Variants in SEMA3D observed in about 807,000 individuals in gnomAD.
The protein encoded by SEMA3D is semaphorin-3D.
A neutral mutation model predicts 100.1 loss-of-function variants in SEMA3D; 84 were observed. The ratio of observed to expected loss-of-function variants is 0.84; its 90% confidence interval spans 0.70 to 1.01. The LOEUF is 1.01. Ranked by LOEUF, SEMA3D falls within the 50% of genes least tolerant of loss-of-function variation. The pLI, the probability that SEMA3D is intolerant of heterozygous loss-of-function variation, is 0.00. For synonymous variants in SEMA3D, 312 were observed against 320.7 expected, an observed-to-expected ratio of 0.97 and a Z score of 0.29; for missense variants, 875 against 934.1, an observed-to-expected ratio of 0.94 and a Z score of 0.82.
At chr7:85,144,662 T>C (rs1263185688) in intron 2 of SEMA3D, 2 of 985,170 alleles carry the variant, frequency 2.0e-6, no homozygotes, top group African/African-American at 3.5e-5. Flanking sequence ...ATCCAACATT[T>C]AAGTCAGCCT....
chr7:85,011,535 C>A (rs1191819656), intron 17 of SEMA3D, among the ~76,000 whole-genome samples: 1 of 151,800 alleles, frequency 6.6e-6, no homozygotes, highest in Non-Finnish European at 1.5e-5. Flanking sequence ...TGTCTGCTCT[C>A]TCCCCCAACA....
chr7:85,037,822 G>T (rs1316619618), intron 11 of SEMA3D, among the ~76,000 whole-genome samples: 19 of 151,766 alleles, frequency 1.3e-4, no homozygotes, highest in Non-Finnish European at 2.2e-4. Context: ...TTTATTTCTA[G>T]AAATTAAAAG....
chr7:85,248,788 G>C, the SEMA3D span, among the ~76,000 whole-genome samples: 1 of 151,376 alleles, frequency 6.6e-6, no homozygotes, highest in East Asian at 1.9e-4. Context: ...CTATGGAAAC[G>C]GTAAAAAAAA....
At chr7:85,077,131 T>C (rs959707138) in intron 5 of SEMA3D, among the ~76,000 whole-genome samples, 1 of 147,924 alleles carries the variant, frequency 6.8e-6, no homozygotes, top group African/African-American at 2.5e-5. Flanking sequence ...AACTTTAAAA[T>C]ATTTTAATAG....
At chr7:85,203,319 G>T in the SEMA3D span, among the ~76,000 whole-genome samples, 960 of 152,288 alleles carry the variant, frequency 6.3e-3, 8 homozygotes, top group African/African-American at 0.021. Context: ...TGTGTTTATA[G>T]ACTGATTAGA....
chr7:85,050,642 G>T, intron 9 of SEMA3D: 1 of 426,666 alleles, frequency 2.3e-6, no homozygotes, highest in South Asian at 6.1e-5. Context: ...GATATCTCTT[G>T]ACCAAAATTT....
chr7:85,155,210 T>C (rs1368864925), intron 1 of SEMA3D, among the ~76,000 whole-genome samples: 3 of 152,128 alleles, frequency 2.0e-5, no homozygotes, highest in Non-Finnish European at 2.9e-5. Context: ...AAAAAGTTTT[T>C]CAAAGCAGGA....
At chr7:85,037,809 T>G (rs946362216) in intron 11 of SEMA3D, among the ~76,000 whole-genome samples, 12 of 152,140 alleles carry the variant, frequency 7.9e-5, no homozygotes, top group Non-Finnish European at 1.6e-4. Context: ...TGTCTTTTTT[T>G]GCTTTATTTC....
chr7:85,193,416 GGA>G, the SEMA3D span, among the ~76,000 whole-genome samples: 6 of 152,016 alleles, frequency 3.9e-5, no homozygotes, highest in Non-Finnish European at 8.8e-5. Flanking sequence ...CCTTTAGCAG[GGA>G]GAGAGAAAGA....
intron 18 of SEMA3D, among the ~76,000 whole-genome samples, chr7:85,004,145 T>C (rs1342517367): frequency 1.3e-5 from 2 of 151,764 alleles, no homozygotes; most frequent in Admixed American, 6.6e-5. Flanking sequence ...AGAAAAAACA[T>C]GGAAGTGACA....
At chr7:85,169,092 T>C (rs1791013707) in intron 1 of SEMA3D, among the ~76,000 whole-genome samples, 1 of 151,682 alleles carries the variant, frequency 6.6e-6, no homozygotes, top group African/African-American at 2.4e-5. Context: ...GTCCATGAGA[T>C]ACATTAGAAA....
chr7:85,122,200 C>T (rs145520186), intron 2 of SEMA3D, among the ~76,000 whole-genome samples: 4,113 of 148,486 alleles, frequency 0.028, 82 homozygotes, highest in Non-Finnish European at 0.039. Context: ...GAAACCTGCA[C>T]GTTTTGCACA....
chr7:85,171,057 ATAAT>A (rs1791070149), intron 1 of SEMA3D, among the ~76,000 whole-genome samples: 1 of 152,064 alleles, frequency 6.6e-6, no homozygotes, highest in African/African-American at 2.4e-5. Flanking sequence ...ATTTTCTCAA[ATAAT>A]TAATAGAATA....
rs1411195059 is a variant in SEMA3D, at chr7:85,072,958, T to C, written c.495+4A>G. 2 of 1,593,514 alleles carry C rather than the reference T, an allele frequency of 1.3e-6. No individual in the cohort carries two copies. The highest frequency in any genetic ancestry group is 8.5e-7 in the Non-Finnish European group (1 of 1,170,624). ...ATGCTTTTCATGCTTTTTCATTATA[T>C]TACCTCCTTGTAGACTCCAAGATCA... On this transcript the variant is annotated splice_donor_region_variant and intron_variant, in intron 6 of 18. Coordinates refer to ENST00000284136, the MANE Select transcript of SEMA3D (RefSeq NM_001384900.1).
intron 2 of SEMA3D, among the ~76,000 whole-genome samples, chr7:85,130,299 T>C (rs1789690570): frequency 6.6e-6 from 1 of 152,162 alleles, no homozygotes; most frequent in Non-Finnish European, 1.5e-5. Flanking sequence ...AGCTTTTCTT[T>C]CAACAAATGA....
At chr7:85,002,083 C>T (rs1478371439) in intron 18 of SEMA3D, among the ~76,000 whole-genome samples, 1 of 152,008 alleles carries the variant, frequency 6.6e-6, no homozygotes, top group East Asian at 1.9e-4. Flanking sequence ...TTGCTATTAT[C>T]TTTTTGTATC....
chr7:85,142,428 A>T, intron 2 of SEMA3D: 1 of 923,178 alleles, frequency 1.1e-6, no homozygotes, highest in Non-Finnish European at 1.3e-6. Flanking sequence ...CTTTCTAAAG[A>T]TGTCATAATT....
chr7:85,143,172 A>G, intron 2 of SEMA3D: 1 of 980,422 alleles, frequency 1.0e-6, no homozygotes, highest in Non-Finnish European at 1.2e-6. Flanking sequence ...TGGTACCTGC[A>G]TATAAAATCA....
At chr7:85,242,519 T>C in the SEMA3D span, among the ~76,000 whole-genome samples, 1 of 152,300 alleles carries the variant, frequency 6.6e-6, no homozygotes, top group East Asian at 1.9e-4. Context: ...TGTCTCTAGT[T>C]TAATTTCATT....
Sources: gnomAD v4.1 joint callset for allele counts (sites outside exome capture counted in the v4.1 genomes callset) on GRCh38, gnomAD v4.1.1 for gene constraint, MANE v1.5 for transcripts, NCBI Gene and HGNC (gene_info 2026-07-23, HGNC 2026-07-21) for gene names.